Variants in ATP8B4 observed in about 807,000 individuals in gnomAD.
ATP8B4 encodes the protein ATPase phospholipid transporting 8B4 (putative), also known as probable phospholipid-transporting ATPase IM.
In ATP8B4, 133 loss-of-function variants were observed where a neutral mutation model predicts 145.6. The observed-to-expected ratio is 0.91, with a 90% CI of 0.79 to 1.05. ATP8B4 has a LOEUF of 1.05. Among genes scored for constraint, ATP8B4 ranks in the 50% least tolerant of loss-of-function variants. ATP8B4 has a pLI of 0.00. For synonymous variants in ATP8B4, 507 were observed against 492.9 expected, an observed-to-expected ratio of 1.03 and a Z score of -0.38; for missense variants, 1,458 against 1,425.2, an observed-to-expected ratio of 1.02 and a Z score of -0.37.
chr15:50,165,801 A>G (rs1454611788), intron 1 of ATP8B4, among the ~76,000 whole-genome samples: 1 of 152,186 alleles, frequency 6.6e-6, no homozygotes, highest in East Asian at 1.9e-4. Flanking sequence ...AAAAATGTTC[A>G]TGTAAAAACT....
chr15:49,943,779 T>C (rs772491121), intron 14 of ATP8B4, among the ~76,000 whole-genome samples: 3 of 152,138 alleles, frequency 2.0e-5, no homozygotes, highest in Non-Finnish European at 4.4e-5. Context: ...TGAAAAAATA[T>C]GAAAGTCATT....
At chr15:49,883,906 C>G (rs749293000) in intron 23 of ATP8B4, among the ~76,000 whole-genome samples, 9 of 152,024 alleles carry the variant, frequency 5.9e-5, no homozygotes, top group Non-Finnish European at 8.8e-5. Context: ...ATGTATTTAC[C>G]CTTTCACCCC....
At chr15:49,998,839 C>A (rs1341730298) in intron 8 of ATP8B4, among the ~76,000 whole-genome samples, 1 of 152,166 alleles carries the variant, frequency 6.6e-6, no homozygotes, top group Admixed American at 6.5e-5. Flanking sequence ...AATGGTAATG[C>A]TTAGGTTTTC....
chr15:50,178,306 T>C (rs924812775), intron 1 of ATP8B4, among the ~76,000 whole-genome samples: 5 of 152,192 alleles, frequency 3.3e-5, no homozygotes, highest in African/African-American at 1.2e-4. Flanking sequence ...AGAATCTCCA[T>C]GTCTGAGATC....
chr15:50,106,028 C>T (rs964920846), intron 2 of ATP8B4, among the ~76,000 whole-genome samples: 1 of 152,150 alleles, frequency 6.6e-6, no homozygotes, highest in African/African-American at 2.4e-5. Flanking sequence ...TGGGTGGGAA[C>T]CACATTGAGA....
At chr15:50,135,848 A>G (rs531618500) in intron 1 of ATP8B4, among the ~76,000 whole-genome samples, 2 of 152,346 alleles carry the variant, frequency 1.3e-5, no homozygotes, top group South Asian at 2.1e-4. Context: ...ATGTAGCTTC[A>G]AAGGGCCTAC....
intron 2 of ATP8B4, among the ~76,000 whole-genome samples, chr15:50,080,851 C>T (rs1442119845): frequency 6.6e-6 from 1 of 152,102 alleles, no homozygotes; most frequent in Admixed American, 6.5e-5. Context: ...CAGTGGCTCA[C>T]GCCTGTAATC....
chr15:50,070,446 T>G (rs2053652259), intron 3 of ATP8B4, among the ~76,000 whole-genome samples: 1 of 152,208 alleles, frequency 6.6e-6, no homozygotes, highest in Non-Finnish European at 1.5e-5. Context: ...ATCCCCAACA[T>G]ATAGCAGAAT....
chr15:50,056,140 C>T (rs542977208), intron 3 of ATP8B4, among the ~76,000 whole-genome samples: 1 of 152,292 alleles, frequency 6.6e-6, no homozygotes, highest in South Asian at 2.1e-4. Context: ...TCTCCTGAGC[C>T]TCAGCTCCCA....
chr15:50,161,144 G>C (rs942659662), intron 1 of ATP8B4, among the ~76,000 whole-genome samples: 1 of 151,936 alleles, frequency 6.6e-6, no homozygotes, highest in Admixed American at 6.6e-5. Flanking sequence ...GTCTCTTCCA[G>C]TTTTTGTCCT....
chr15:49,947,312 T>C (rs2042653879), intron 14 of ATP8B4, among the ~76,000 whole-genome samples: 3 of 151,644 alleles, frequency 2.0e-5, no homozygotes, highest in African/African-American at 7.3e-5. Flanking sequence ...GTGCCTGTAG[T>C]CCCAGCTACT....
At chr15:49,968,800 C>A (rs748706188) in intron 13 of ATP8B4, among the ~76,000 whole-genome samples, 10 of 152,176 alleles carry the variant, frequency 6.6e-5, no homozygotes, top group Non-Finnish European at 1.0e-4. Context: ...GAACTCTCCA[C>A]CCCAAATCAA....
intron 21 of ATP8B4, among the ~76,000 whole-genome samples, chr15:49,898,580 T>G (rs764638919): frequency 6.6e-6 from 1 of 152,224 alleles, no homozygotes; most frequent in Non-Finnish European, 1.5e-5. Context: ...TTAAAATTGA[T>G]GAAAACAAAA....
At chr15:50,164,541 T>C (rs2044567598) in intron 1 of ATP8B4, among the ~76,000 whole-genome samples, 2 of 152,038 alleles carry the variant, frequency 1.3e-5, no homozygotes. Context: ...CCTCAAACAA[T>C]CTCTCTACTG....
At chr15:50,102,531 T>G (rs2056428151) in intron 2 of ATP8B4, among the ~76,000 whole-genome samples, 1 of 152,130 alleles carries the variant, frequency 6.6e-6, no homozygotes, top group Middle Eastern at 3.4e-3. Flanking sequence ...ACAACCCTCC[T>G]AGATTAAACC....
intron 1 of ATP8B4, among the ~76,000 whole-genome samples, chr15:50,153,616 C>T (rs563332228): frequency 2.0e-5 from 3 of 149,488 alleles, no homozygotes; most frequent in Admixed American, 6.7e-5. Flanking sequence ...GGATTACAGG[C>T]ATGAGCCACT....
rs116490597 is a variant in ATP8B4 at position 49,920,063 on chromosome 15, C to T, written c.1923+183G>A. Among the ~76,000 whole-genome samples the T allele has an allele frequency of 4.2e-3, 646 of 152,298 alleles. 5 individuals carry two copies. Among genetic ancestry groups the T allele is most frequent in the African/African-American group, 0.015 (628 of 41,566 alleles). The stretch of plus-strand genomic sequence containing the variant: ...AGCTACTGCTAATAGAAATACAATT[C>T]TAGGCTCTCTAGGACCATACATGGA... On this transcript the variant is annotated intron_variant, in intron 18 of 27. Transcript: ENST00000284509.
Position 49,920,358 on chromosome 15 carries a change from T to C in ATP8B4, c.1811A>G (p.Asp604Gly). 6.2e-7 allele frequency: 1 copy of C among 1,614,220 alleles called. No homozygotes were observed. The highest frequency in any genetic ancestry group is 8.5e-7 in the Non-Finnish European group (1 of 1,180,038). ...RTLAIAYRDL[D>G]DKYFKEWHKM... ...ATGCCACTCTTTAAAGTACTTGTCA[T>C]CCAGGTCTCTGTATGCGATGGCCAA... The change falls in exon 18 of 28, where the codon GAT becomes GGT. Residue 604 changes from aspartate to glycine, a missense_variant. Asp to Gly is a moderately conservative substitution (Grantham distance 94). Transcript: ENST00000284509.
At chr15:50,136,938 T>C (rs2044131102) in intron 1 of ATP8B4, among the ~76,000 whole-genome samples, 1 of 152,212 alleles carries the variant, frequency 6.6e-6, no homozygotes, top group African/African-American at 2.4e-5. Flanking sequence ...TTTATTATTA[T>C]AATTGAAACA....
Sources: allele counts gnomAD v4.1 joint callset (sites outside exome capture counted in the v4.1 genomes callset), GRCh38; gene constraint gnomAD v4.1.1; transcripts MANE v1.5; gene names NCBI Gene and HGNC (gene_info 2026-07-23, HGNC 2026-07-21).